DGKG: variants seen among roughly 807,000 people sequenced by gnomAD.
DGKG encodes the protein diacylglycerol kinase gamma.
A neutral mutation model predicts 105.3 loss-of-function variants in DGKG; 78 were observed. The observed-to-expected ratio is 0.74, with a 90% CI of 0.62 to 0.89. The LOEUF is 0.89. Ranked by LOEUF, DGKG falls within the 40% of genes least tolerant of loss-of-function variation. The pLI, the probability that DGKG is intolerant of heterozygous loss-of-function variation, is 0.00. For missense variants in DGKG, 958 were observed against 1,020.1 expected (o/e 0.94, Z 0.83); for synonymous variants, 346 against 367.1 (o/e 0.94, Z 0.66).
chr3:186,334,481 G>T (rs1278739426), intron 1 of DGKG, among the ~76,000 whole-genome samples: 1 of 152,206 alleles, frequency 6.6e-6, no homozygotes, highest in Non-Finnish European at 1.5e-5. Flanking sequence ...ATGTAGTAAT[G>T]ATTCGGCACT....
chr3:186,174,503 A>G (rs1466300802), intron 22 of DGKG, among the ~76,000 whole-genome samples: 1 of 152,194 alleles, frequency 6.6e-6, no homozygotes, highest in African/African-American at 2.4e-5. Flanking sequence ...AGAGACGGTA[A>G]AGAGCAGAGA....
chr3:186,269,448 A>G (rs371690894), intron 11 of DGKG, among the ~76,000 whole-genome samples: 4 of 152,208 alleles, frequency 2.6e-5, no homozygotes, highest in Admixed American at 1.3e-4. Flanking sequence ...CAATGCAATG[A>G]GATAGCACAT....
intron 20 of DGKG, among the ~76,000 whole-genome samples, chr3:186,240,454 G>A (rs982814906): frequency 6.6e-6 from 1 of 152,210 alleles, no homozygotes; most frequent in Non-Finnish European, 1.5e-5. Context: ...ATGGATGAAT[G>A]AATGAACAGA....
In DGKG at chr3:186,210,774, T is replaced by C; in HGVS notation, c.1917+1021A>G. 2.9e-6 allele frequency: 1 copy of C among 341,624 alleles called. No homozygotes were observed. Among genetic ancestry groups the C allele is most frequent in the Non-Finnish European group, 5.8e-6 (1 of 173,208 alleles). 21.2% of individuals were successfully genotyped at this position (341,624 alleles called of 1,614,324 possible). The stretch of plus-strand genomic sequence containing the variant: ...CTGGTGGGCCAAGAGGAGCCCACCC[T>C]GGCTGAACTCTCTGGCTGCCTCTTC... On this transcript the variant is annotated intron_variant, in intron 21 of 24. Coordinates refer to ENST00000265022, the MANE Select transcript of DGKG (RefSeq NM_001346.3). This position sits in a 1 kb window ranked among gnomAD's most constrained non-coding sequence, Gnocchi z 5.2.
At position 186,279,893 on chromosome 3, in the gene DGKG, C is replaced by T; in HGVS notation, c.750G>A (p.Met250Ile). 1 of 1,614,000 alleles carries T rather than the reference C, an allele frequency of 6.2e-7. No homozygotes were observed. The highest frequency in any genetic ancestry group is 8.5e-7 in the Non-Finnish European group (1 of 1,179,956). Residue 250 changes from methionine to isoleucine, a missense_variant, in exon 9 of 25, where the codon ATG becomes ATA. Coordinates refer to ENST00000265022, the MANE Select transcript of DGKG (RefSeq NM_001346.3). Reference protein sequence around the residue: ...VSLQEWVHGGMTTIPLLVLLG... With the variant: ...VSLQEWVHGGITTIPLLVLLG... ...GGAGGACCAGCAATGGGATGGTGGTCATCCCTCCATGGACCCATTCCTGTA... is the reference window on the plus strand; with the variant it reads ...GGAGGACCAGCAATGGGATGGTGGTTATCCCTCCATGGACCCATTCCTGTA...
rs933201220 is a variant in DGKG, at chr3:186,190,793, C to T, written c.1918-2414G>A. Among the ~76,000 whole-genome samples, 8 of 152,312 alleles carry T rather than the reference C, an allele frequency of 5.3e-5. No individual in the cohort carries two copies. The East Asian group carries it at 1.2e-3, about 22-fold the overall frequency. On this transcript the variant is annotated intron_variant, in intron 21 of 24. Transcript: ENST00000265022. ...TTCATTCTGTGACCTTTTGTCATCGCGTTCCCATCATTTGGGGATTAAGTC... is the reference window on the plus strand; with the variant it reads ...TTCATTCTGTGACCTTTTGTCATCGTGTTCCCATCATTTGGGGATTAAGTC...
chr3:186,209,341 A>T (rs1718914611), intron 21 of DGKG, among the ~76,000 whole-genome samples: 2 of 151,918 alleles, frequency 1.3e-5, no homozygotes, highest in Admixed American at 1.3e-4. Context: ...ACCGCTGGTG[A>T]TCCACCCGCC....
At position 186,297,616 on chromosome 3, in the gene DGKG, T is replaced by C; in HGVS notation, c.311-133A>G. On this transcript the variant is annotated intron_variant, in intron 4 of 24. Transcript: ENST00000265022. ...GTCTCGGGGTTATGTGTCAGCTGGGTTCATGCTCGCTTATTGGGATTGGCT... is the reference window on the plus strand; with the variant it reads ...GTCTCGGGGTTATGTGTCAGCTGGGCTCATGCTCGCTTATTGGGATTGGCT... 4 of 683,022 alleles carry C rather than the reference T, an allele frequency of 5.9e-6. No homozygotes were observed. The East Asian group carries it at 7.6e-5, about 13-fold the overall frequency. 42.3% of individuals were successfully genotyped at this position (683,022 alleles called of 1,614,324 possible).
chr3:186,152,143 T>C (rs373441561), intron 24 of DGKG, among the ~76,000 whole-genome samples: 12 of 152,104 alleles, frequency 7.9e-5, no homozygotes, highest in African/African-American at 2.7e-4. Flanking sequence ...CAGAAGACAC[T>C]GTGGACAATT....
rs892663134 is a variant in DGKG, at chr3:186,231,125, G to T, written c.1826+11379C>A. Among the ~76,000 whole-genome samples the T allele has an allele frequency of 6.6e-6, 1 of 152,116 alleles. No homozygotes were observed. Among genetic ancestry groups the T allele is most frequent in the African/African-American group, 2.4e-5 (1 of 41,400 alleles). On this transcript the variant is annotated intron_variant, in intron 20 of 24. Transcript: ENST00000265022. This position sits in a 1 kb window ranked among gnomAD's most constrained non-coding sequence, Gnocchi z 4.5. ...TAAGGAGGTGCAGTCACTATTTCCT[G>T]TTGTGAATCCTTCACACACTTGAGG...
intron 1 of DGKG, among the ~76,000 whole-genome samples, chr3:186,340,293 T>C (rs1190460047): frequency 6.6e-6 from 1 of 152,180 alleles, no homozygotes; most frequent in African/African-American, 2.4e-5. Context: ...ATAAACTTTA[T>C]GGAAACATCT....
At chr3:186,216,341 C>G (rs1474945653) in intron 20 of DGKG, among the ~76,000 whole-genome samples, 2 of 152,060 alleles carry the variant, frequency 1.3e-5, no homozygotes, top group Non-Finnish European at 2.9e-5. Context: ...GATTGAACCT[C>G]TGACCCACAA....
intron 1 of DGKG, among the ~76,000 whole-genome samples, chr3:186,357,927 AC>A (rs1050540656): frequency 6.6e-6 from 1 of 152,260 alleles, no homozygotes; most frequent in African/African-American, 2.4e-5. Flanking sequence ...GACTGGTGTG[AC>A]CGAGGAACTG....
At chr3:186,182,905 A>T (rs903601608) in intron 22 of DGKG, among the ~76,000 whole-genome samples, 20 of 152,300 alleles carry the variant, frequency 1.3e-4, no homozygotes, top group African/African-American at 4.8e-4. Context: ...CTCATTTTCC[A>T]GGTAATGGCA....
chr3:186,304,234 GT>G (rs1724117766), intron 3 of DGKG, among the ~76,000 whole-genome samples: 1 of 152,228 alleles, frequency 6.6e-6, no homozygotes, highest in Admixed American at 6.5e-5. Context: ...TTGTTCCCGT[GT>G]TTTTGGAGCT....
In DGKG at chr3:186,151,355, C is replaced by A. The variant is rs547465512; in HGVS notation, c.2278-1167G>T. Among the ~76,000 whole-genome samples the A allele has an allele frequency of 1.2e-4, 19 of 152,318 alleles. No homozygotes were observed. In the South Asian group the frequency reaches 2.7e-3, roughly 22 times the overall value. Reference sequence around the variant, plus strand: ...ATGACAGTGTGACCGCAGGGAACAACAGAACTCTTGAACACAGAACCATCA... The same window carrying A: ...ATGACAGTGTGACCGCAGGGAACAAAAGAACTCTTGAACACAGAACCATCA... On this transcript the variant is annotated intron_variant, in intron 24 of 24. Coordinates refer to ENST00000265022, the MANE Select transcript of DGKG (RefSeq NM_001346.3).
At chr3:186,188,581 A>G (rs1397863022) in intron 21 of DGKG, among the ~76,000 whole-genome samples, 1 of 152,110 alleles carries the variant, frequency 6.6e-6, no homozygotes, top group Non-Finnish European at 1.5e-5. Flanking sequence ...TGGTGAGATG[A>G]CAGATCCAGT....
At chr3:186,335,538 A>G (rs755101257) in intron 1 of DGKG, among the ~76,000 whole-genome samples, 5 of 152,194 alleles carry the variant, frequency 3.3e-5, no homozygotes, top group African/African-American at 7.2e-5. Flanking sequence ...CATTTAAAGT[A>G]TACTCCATTG....
At chr3:186,296,480 AGGAGCTTCTGGCCTTG>A (rs1723569557) in intron 5 of DGKG, among the ~76,000 whole-genome samples, 1 of 152,268 alleles carries the variant, frequency 6.6e-6, no homozygotes, top group Non-Finnish European at 1.5e-5. Flanking sequence ...TCATTTTTGT[AGGAGCTTCTGGCCTTG>A]GGCTGGCCAG....
Sources: gnomAD v4.1 joint callset for allele counts (sites outside exome capture counted in the v4.1 genomes callset) on GRCh38, gnomAD v4.1.1 for gene constraint, Gnocchi (gnomAD v3.1) non-coding constraint, MANE v1.5 for transcripts, NCBI Gene and HGNC (gene_info 2026-07-23, HGNC 2026-07-21) for gene names.